EXOC4: variants seen among roughly 807,000 people sequenced by gnomAD.
The protein encoded by EXOC4 is SEC8-like 1.
EXOC4 carries 71 observed loss-of-function variants against 107.2 expected under a neutral mutation model. The observed-to-expected ratio is 0.66, with a 90% CI of 0.55 to 0.81. The LOEUF (loss-of-function observed/expected upper bound fraction) is 0.81. EXOC4 is among the 30% of genes least tolerant of loss of function. The probability of loss-of-function intolerance (pLI) is 0.00; values close to 1 mark genes in which losing one functional copy is unlikely to be tolerated. For missense variants in EXOC4, 1,108 were observed against 1,189.6 expected, an observed-to-expected ratio of 0.93 and a Z score of 1.01; for synonymous variants, 456 against 441.2, an observed-to-expected ratio of 1.03 and a Z score of -0.42.
intron 15 of EXOC4, 67 bp from the exon 16 acceptor site, chr7:134,004,845 C>T: frequency 7.3e-7 from 1 of 1,364,442 alleles, no homozygotes; most frequent in South Asian, 1.3e-5. Flanking sequence ...GGTGCTCTGT[C>T]CCAAGATCAT....
In EXOC4 at chr7:133,626,992, A is replaced by G. The variant is rs142236169; in HGVS notation, c.1418-3053A>G. On this transcript the variant is annotated intron_variant, in intron 9 of 17. Coordinates refer to ENST00000253861, the MANE Select transcript of EXOC4 (RefSeq NM_021807.4). ...ACACATACTGTCTCATCTAATTGCTATAACATTTTAGCAAGTTAGGTCTTT... is the reference window on the plus strand; with the variant it reads ...ACACATACTGTCTCATCTAATTGCTGTAACATTTTAGCAAGTTAGGTCTTT... Among the ~76,000 whole-genome samples, 194 of 152,326 alleles carry G rather than the reference A, an allele frequency of 1.3e-3. 1 individual carries two copies. The highest frequency in any genetic ancestry group is 4.4e-3 in the African/African-American group (184 of 41,584).
At chr7:133,325,752 T>C (rs12111638) in intron 5 of EXOC4, among the ~76,000 whole-genome samples, 22,814 of 152,154 alleles carry the variant, frequency 0.15, 2,026 homozygotes, top group Middle Eastern at 0.21. Flanking sequence ...AATTTGAATG[T>C]GGGCCTGCCT....
At chr7:133,682,023 C>G (rs1367550413) in intron 10 of EXOC4, among the ~76,000 whole-genome samples, 2 of 152,048 alleles carry the variant, frequency 1.3e-5, no homozygotes, top group Non-Finnish European at 2.9e-5. Flanking sequence ...CCGGCCTTAG[C>G]CTCCCAAGCT....
At chr7:133,696,988 T>C (rs564866057) in intron 10 of EXOC4, among the ~76,000 whole-genome samples, 1 of 152,338 alleles carries the variant, frequency 6.6e-6, no homozygotes, top group African/African-American at 2.4e-5. Flanking sequence ...TGTTACCTGT[T>C]GTAGGAAATT....
intron 10 of EXOC4, among the ~76,000 whole-genome samples, chr7:133,794,803 T>A (rs1273037911): frequency 1.3e-5 from 2 of 151,990 alleles, no homozygotes; most frequent in Non-Finnish European, 2.9e-5. Flanking sequence ...TTTTTTTTTT[T>A]AATTATACTT....
In EXOC4 at chr7:133,507,391, C is replaced by G. The variant is rs556673566; in HGVS notation, c.1417+27253C>G. On this transcript the variant is annotated intron_variant, in intron 9 of 17. Transcript: ENST00000253861. ...AAAATTCATCTGTTTTATAAACTGT[C>G]AGCATCATAGTATCCTTCTGGATAA... 3.3e-5 allele frequency among the ~76,000 whole-genome samples: 5 copies of G among 152,260 alleles called. No homozygotes were observed. The South Asian group carries it at 1.0e-3, about 32-fold the overall frequency.
At chr7:133,614,818 ATGG>A (rs1802153133) in intron 9 of EXOC4, among the ~76,000 whole-genome samples, 1 of 116,884 alleles carries the variant, frequency 8.6e-6, no homozygotes. Flanking sequence ...AAAAAAAAAG[ATGG>A]TGGTTGTGAA....
chr7:133,620,546 A>G (rs915386120), intron 9 of EXOC4, among the ~76,000 whole-genome samples: 6 of 152,210 alleles, frequency 3.9e-5, no homozygotes, highest in African/African-American at 9.6e-5. Context: ...CAAACAGTAG[A>G]GATGCCCAAA....
At chr7:133,254,396 C>T (rs541396613) in intron 1 of EXOC4, among the ~76,000 whole-genome samples, 7 of 152,286 alleles carry the variant, frequency 4.6e-5, no homozygotes, top group East Asian at 1.9e-4. Flanking sequence ...CCCACATTCT[C>T]GCTGTGACAA....
chr7:133,756,146 TC>T (rs1172518649), intron 10 of EXOC4, among the ~76,000 whole-genome samples: 1 of 152,202 alleles, frequency 6.6e-6, no homozygotes, highest in Non-Finnish European at 1.5e-5. Context: ...TTTTCATATT[TC>T]CATATAATTT....
chr7:133,951,417 C>T (rs1400896307), intron 14 of EXOC4, among the ~76,000 whole-genome samples: 6 of 152,222 alleles, frequency 3.9e-5, no homozygotes, highest in African/African-American at 1.4e-4. Flanking sequence ...ACAGTGATCA[C>T]GTGATAAATA....
chr7:133,311,156 T>G (rs996328724), intron 4 of EXOC4, among the ~76,000 whole-genome samples: 5 of 152,142 alleles, frequency 3.3e-5, no homozygotes, highest in African/African-American at 1.2e-4. Context: ...AGTTGAAAAT[T>G]TTGAAACTGT....
intron 17 of EXOC4, among the ~76,000 whole-genome samples, chr7:134,017,306 C>G (rs564967594): frequency 6.6e-6 from 1 of 152,162 alleles, no homozygotes; most frequent in Non-Finnish European, 1.5e-5. Flanking sequence ...CCTTAAAATG[C>G]TGTTAAATCT....
intron 7 of EXOC4, among the ~76,000 whole-genome samples, chr7:133,444,227 G>T (rs768574419): frequency 6.6e-6 from 1 of 152,200 alleles, no homozygotes; most frequent in Non-Finnish European, 1.5e-5. Flanking sequence ...ATGAGAGCCA[G>T]CAGAATGGAC....
intron 11 of EXOC4, among the ~76,000 whole-genome samples, chr7:133,863,850 A>C (rs959475319): frequency 1.7e-4 from 26 of 152,140 alleles, no homozygotes; most frequent in Non-Finnish European, 3.2e-4. Flanking sequence ...GTTCTATTAC[A>C]ATCTACTGAC....
rs11387586 is a variant in EXOC4, at chr7:133,401,651, TA to T, written c.1182+26662del. Among the ~76,000 whole-genome samples the T allele has an allele frequency of 1.6e-3, 232 of 141,046 alleles. 1 individual carries two copies. Among genetic ancestry groups the T allele is most frequent in the Admixed American group, 1.7e-3 (24 of 14,112 alleles). The allele number at this position is 141,046 out of a possible 152,430, so 92.5% of individuals were successfully genotyped here. On this transcript the variant is annotated intron_variant, in intron 7 of 17. Transcript: ENST00000253861. ...CACTCCAGCCTGGGTGACCCTGTCT[TA>T]AAAAAAAAAAAAGAAAAAAAAGATA... is the stretch of plus-strand genomic sequence containing the variant.
chr7:133,883,230 C>CT (rs1224268956), intron 11 of EXOC4, among the ~76,000 whole-genome samples: 1 of 151,544 alleles, frequency 6.6e-6, no homozygotes, highest in Non-Finnish European at 1.5e-5. Flanking sequence ...AGTAGCTTGT[C>CT]TTTTTTATTA....
intron 10 of EXOC4, among the ~76,000 whole-genome samples, chr7:133,637,427 A>C (rs1256055483): frequency 1.3e-5 from 2 of 152,190 alleles, no homozygotes; most frequent in Non-Finnish European, 2.9e-5. Context: ...TATTATTCTC[A>C]GTGTTCACAG....
intron 17 of EXOC4, among the ~76,000 whole-genome samples, chr7:134,060,658 T>C (rs1796035099): frequency 6.6e-6 from 1 of 152,202 alleles, no homozygotes; most frequent in Non-Finnish European, 1.5e-5. Flanking sequence ...ATTCTAATGG[T>C]ATAGTTTGGG....
Sources: gnomAD v4.1 joint callset for allele counts (sites outside exome capture counted in the v4.1 genomes callset) on GRCh38, gnomAD v4.1.1 for gene constraint, MANE v1.5 for transcripts, NCBI Gene and HGNC (gene_info 2026-07-23, HGNC 2026-07-21) for gene names.